CSNK2A2: variants seen among roughly 807,000 people sequenced by gnomAD.
CSNK2A2 encodes the protein casein kinase 2 alpha 2.
CSNK2A2 carries 8 observed loss-of-function variants against 54.0 expected under a neutral mutation model. The observed-to-expected ratio is 0.15, with a 90% CI of 0.09 to 0.27. The LOEUF (loss-of-function observed/expected upper bound fraction) is 0.27. CSNK2A2 is among the 10% of genes least tolerant of loss of function. The probability of loss-of-function intolerance (pLI) is 1.00; values close to 1 mark genes in which losing one functional copy is unlikely to be tolerated. For missense variants in CSNK2A2, 242 were observed against 439.4 expected, an observed-to-expected ratio of 0.55 and a Z score of 4.02; for synonymous variants, 141 against 153.9, an observed-to-expected ratio of 0.92 and a Z score of 0.62.
chr16:58,196,025 G>A (rs1164688295), intron 2 of CSNK2A2, among the ~76,000 whole-genome samples: 1 of 152,194 alleles, frequency 6.6e-6, no homozygotes, highest in Non-Finnish European at 1.5e-5. Context: ...ATACATTTCT[G>A]AAGTCGCTCC....
intron 5 of CSNK2A2, among the ~76,000 whole-genome samples, chr16:58,171,671 C>T (rs1293979481): frequency 2.6e-5 from 4 of 151,948 alleles, no homozygotes; most frequent in African/African-American, 9.7e-5. Context: ...TCCAATAGGA[C>T]CTTCTGCAAT....
In CSNK2A2 at chr16:58,167,326, A is replaced by G; in HGVS notation, c.625-18T>C. 1 of 1,568,190 alleles carries G rather than the reference A, an allele frequency of 6.4e-7. No individual in the cohort carries two copies. The highest frequency in any genetic ancestry group is 1.1e-5 in the South Asian group (1 of 88,222). On this transcript the variant is annotated intron_variant, in intron 7 of 11. Transcript: ENST00000262506. ...TCATACATCTGAGGCAATAAGGACA[A>G]CGCATTAGCCAAGGGTATTAGAAAT...
intron 5 of CSNK2A2, among the ~76,000 whole-genome samples, chr16:58,169,252 T>G (rs12929897): frequency 0.31 from 46,041 of 150,738 alleles, 7,287 homozygotes; most frequent in African/African-American, 0.39. Context: ...AAAGAGGGGG[T>G]GATGAGGCCA....
intron 2 of CSNK2A2, among the ~76,000 whole-genome samples, chr16:58,188,104 T>C (rs1310015031): frequency 6.6e-6 from 1 of 152,120 alleles, no homozygotes; most frequent in African/African-American, 2.4e-5. Context: ...TCATCTTTTG[T>C]TGGTCACTAA....
At chr16:58,182,621 T>C (rs1366512095) in intron 4 of CSNK2A2, among the ~76,000 whole-genome samples, 1 of 149,162 alleles carries the variant, frequency 6.7e-6, no homozygotes, top group African/African-American at 2.5e-5. Context: ...TAGCAGACAA[T>C]TGGTAAAAAC....
At chr16:58,173,457 G>T (rs765848520) in intron 5 of CSNK2A2, among the ~76,000 whole-genome samples, 6 of 152,106 alleles carry the variant, frequency 3.9e-5, no homozygotes, top group Non-Finnish European at 7.4e-5. Flanking sequence ...TAGTGATCCA[G>T]GACACAAAAA....
At chr16:58,194,772 C>T (rs1029098598) in intron 2 of CSNK2A2, among the ~76,000 whole-genome samples, 34 of 152,282 alleles carry the variant, frequency 2.2e-4, no homozygotes, top group African/African-American at 7.9e-4. Context: ...CCTGCAGCAG[C>T]TTACATACTG....
chr16:58,173,645 G>A (rs554461577), intron 5 of CSNK2A2, among the ~76,000 whole-genome samples: 2 of 152,268 alleles, frequency 1.3e-5, no homozygotes, highest in South Asian at 4.1e-4. Flanking sequence ...AACGAGCCAC[G>A]GCTACAGGGG....
intron 9 of CSNK2A2, among the ~76,000 whole-genome samples, chr16:58,166,248 A>G (rs1195402591): frequency 6.6e-6 from 1 of 152,234 alleles, no homozygotes; most frequent in East Asian, 1.9e-4. Flanking sequence ...AAAATAAAAT[A>G]TAATAAAAAA....
chr16:58,191,960 T>C (rs1330462694), intron 2 of CSNK2A2, among the ~76,000 whole-genome samples: 1 of 152,184 alleles, frequency 6.6e-6, no homozygotes, highest in African/African-American at 2.4e-5. Context: ...GCGTCTACAG[T>C]TGGAGCTAAC....
intron 2 of CSNK2A2, among the ~76,000 whole-genome samples, chr16:58,188,622 A>G (rs1170341861): frequency 1.3e-5 from 2 of 152,234 alleles, no homozygotes; most frequent in African/African-American, 2.4e-5. Context: ...AGAGCTGTAG[A>G]TTAGGTAACA....
rs757289217 is a variant in CSNK2A2, at chr16:58,165,716, G to C, written c.828-8C>G. ...CAGCGTTTCCGTGAATGTCTGAGAA[G>C]AAAAATGAAGCATTAGTAACCAGAG... On this transcript the variant is annotated splice_region_variant and splice_polypyrimidine_tract_variant and intron_variant, in intron 9 of 11. Transcript: ENST00000262506. 3 of 1,604,532 alleles carry C rather than the reference G, an allele frequency of 1.9e-6. No individual in the cohort carries two copies. Among genetic ancestry groups the C allele is most frequent in the Non-Finnish European group, 2.5e-6 (3 of 1,177,134 alleles).
At chr16:58,192,815 C>T (rs1962349421) in intron 2 of CSNK2A2, 1 of 152,258 alleles carries the variant, frequency 6.6e-6, no homozygotes, top group Non-Finnish European at 1.5e-5. Context: ...AGGTCCTACA[C>T]CGAGTGCTTC....
intron 4 of CSNK2A2, among the ~76,000 whole-genome samples, chr16:58,182,395 A>C (rs954306085): frequency 6.1e-5 from 9 of 146,560 alleles, no homozygotes; most frequent in South Asian, 2.2e-4. Context: ...AAAAAAAAAA[A>C]AAAAAAAAAA....
intron 4 of CSNK2A2, among the ~76,000 whole-genome samples, chr16:58,178,534 G>A (rs934677170): frequency 1.1e-4 from 17 of 151,976 alleles, no homozygotes; most frequent in African/African-American, 3.4e-4. Context: ...TGCCTGCTTC[G>A]GCCTCCCAAA....
intron 3 of CSNK2A2, among the ~76,000 whole-genome samples, chr16:58,186,283 AAAG>A (rs1204863692): frequency 3.9e-5 from 6 of 152,238 alleles, no homozygotes; most frequent in Admixed American, 2.6e-4. Flanking sequence ...GATTTAAGGG[AAAG>A]AAGAAGACTT....
chr16:58,178,577 C>A (rs764358872), intron 4 of CSNK2A2, among the ~76,000 whole-genome samples: 1 of 152,174 alleles, frequency 6.6e-6, no homozygotes, highest in Non-Finnish European at 1.5e-5. Flanking sequence ...CCACCGCACC[C>A]GGCCTGAGAC....
At chr16:58,168,557 G>C in intron 6 of CSNK2A2, 53 bp downstream of exon 6, 2 of 1,495,642 alleles carry the variant, frequency 1.3e-6, no homozygotes, top group South Asian at 2.3e-5. Context: ...ACAGCTTTTT[G>C]GTCTGCTCTA....
chr16:58,175,959 A>G (rs1366067526), intron 4 of CSNK2A2, among the ~76,000 whole-genome samples: 2 of 152,182 alleles, frequency 1.3e-5, no homozygotes, highest in African/African-American at 4.8e-5. Flanking sequence ...GGAGAGCTTC[A>G]GCTACATAAC....
Sources: allele counts gnomAD v4.1 joint callset (sites outside exome capture counted in the v4.1 genomes callset), GRCh38; gene constraint gnomAD v4.1.1; transcripts MANE v1.5; gene names NCBI Gene and HGNC (gene_info 2026-07-23, HGNC 2026-07-21).